Variants in GEMIN5 observed in about 807,000 individuals in gnomAD.
GEMIN5 encodes the protein gem nuclear organelle associated protein 5.
In GEMIN5, 124 loss-of-function variants were observed where a neutral mutation model predicts 176.9. The observed-to-expected ratio is 0.70, with a 90% CI of 0.61 to 0.81. The LOEUF is 0.81. GEMIN5 is among the 40% of genes least tolerant of loss of function. The pLI is 0.00. For missense variants in GEMIN5, 1,843 were observed against 1,814.6 expected (o/e 1.02, Z -0.28); for synonymous variants, 673 against 665.2 (o/e 1.01, Z -0.18).
chr5:154,891,679 C>T lies in GEMIN5; in HGVS notation c.3824G>A (p.Ser1275Asn). Residue 1275 changes from serine to asparagine, a missense_variant, in exon 26 of 28, where the codon AGT becomes AAT. Physicochemically the swap from Ser to Asn is conservative, Grantham distance 46. Transcript: ENST00000285873. ...HQSPATPAFK[S>N]LEAFFLYGRL... ...CCCATAAAGAAAAAAGGCCTCCAAACTTTTGAAAGCTGGTGTGGCAGGGGA... is the reference window on the plus strand; with the variant it reads ...CCCATAAAGAAAAAAGGCCTCCAAATTTTTGAAAGCTGGTGTGGCAGGGGA... 1 of 1,612,118 alleles carries T rather than the reference C, an allele frequency of 6.2e-7. No homozygotes were observed. Among genetic ancestry groups the T allele is most frequent in the East Asian group, 2.2e-5 (1 of 44,882 alleles).
At chr5:154,917,906 TTA>T (rs756126302) in intron 12 of GEMIN5, 23 bp downstream of exon 12, 2 of 1,525,424 alleles carry the variant, frequency 1.3e-6, no homozygotes, top group Non-Finnish European at 1.8e-6. Flanking sequence ...TGCAAATTTT[TTA>T]TCTTAAAGAA....
chr5:154,907,739 C>T lies in GEMIN5; in HGVS notation c.2247G>A (p.Leu749=), dbSNP rs772348823. The T allele has an allele frequency of 5.6e-6, 9 of 1,614,120 alleles. No homozygotes were observed. In the East Asian group the frequency reaches 2.0e-4, roughly 36 times the overall value. Residue 749 remains leucine, a synonymous_variant, in exon 16 of 28, where the codon TTG becomes TTA. Coordinates refer to ENST00000285873, the MANE Select transcript of GEMIN5 (RefSeq NM_015465.5). ...AKPKKKKKPT[L]RTPVKLESID... ...TCGATTCCAGCTTTACAGGAGTTCT[C>T]AAGGTGGGCTTTTTCTTCTTTTTGG... is the stretch of plus-strand genomic sequence containing the variant.
chr5:154,888,793 C>A lies in GEMIN5; in HGVS notation c.4360-416G>T, dbSNP rs376552439. ...TGAGGTATAAAATTACTTGTGTGAT[C>A]GATAATTCTAGTCTCACAAAACATT... is the stretch of plus-strand genomic sequence containing the variant. On this transcript the variant is annotated intron_variant, in intron 27 of 27. Transcript: ENST00000285873. Among the ~76,000 whole-genome samples the A allele has an allele frequency of 5.3e-5, 8 of 152,126 alleles. No homozygotes were observed. The South Asian group carries it at 1.2e-3, about 24-fold the overall frequency.
At chr5:154,899,025 A>G (rs1368928201) in intron 22 of GEMIN5, among the ~76,000 whole-genome samples, 166 bp downstream of exon 22, 1 of 152,196 alleles carries the variant, frequency 6.6e-6, no homozygotes, top group Non-Finnish European at 1.5e-5. Context: ...TAAATCAGGA[A>G]GTAGTTCCTG....
At chr5:154,907,950 T>C (rs929866201) in intron 15 of GEMIN5, 132 bp from the exon 16 acceptor site, 4 of 656,360 alleles carry the variant, frequency 6.1e-6, no homozygotes, top group Non-Finnish European at 1.1e-5. Flanking sequence ...AATGAACTTT[T>C]AGAATTATAT....
At position 154,934,375 on chromosome 5, in the gene GEMIN5, G is replaced by A. The variant is rs570811786; in HGVS notation, c.509+1466C>T. ...CTAATTTTGTGTTTTTAATAGAGAC[G>A]GGGTTTCTCCATGCTGGTCTTGAAC... On this transcript the variant is annotated intron_variant, in intron 3 of 27. Coordinates refer to ENST00000285873, the MANE Select transcript of GEMIN5 (RefSeq NM_015465.5). 3.4e-4 allele frequency among the ~76,000 whole-genome samples: 51 copies of A among 152,146 alleles called. No homozygotes were observed. In the South Asian group the frequency reaches 9.1e-3, roughly 27 times the overall value.
chr5:154,911,610 A>G, intron 15 of GEMIN5, 117 bp downstream of exon 15: 1 of 806,306 alleles, frequency 1.2e-6, no homozygotes, highest in Non-Finnish European at 1.9e-6. Context: ...TTAGGCTCAG[A>G]CCCCTGCCCT....
At chr5:154,902,787 C>G in intron 19 of GEMIN5, 111 bp from the exon 20 acceptor site, 1 of 1,112,880 alleles carries the variant, frequency 9.0e-7, no homozygotes, top group Non-Finnish European at 1.3e-6. Context: ...AATATGCAGT[C>G]ATTCTCTGAT....
Position 154,896,266 on chromosome 5 carries a change from GC to G in GEMIN5, c.3422del (p.Ser1141ThrfsTer20). 6.2e-7 allele frequency: 1 copy of G among 1,612,934 alleles called. No individual in the cohort carries two copies. Among genetic ancestry groups the G allele is most frequent in the Non-Finnish European group, 8.5e-7 (1 of 1,179,586 alleles). On this transcript the variant is annotated frameshift_variant, in exon 24 of 28. Transcript: ENST00000285873. LOFTEE classifies it high-confidence loss of function. ...TGTTCCAAGTGTGGTAAGAGGAGGA[GC>G]TTTTGCCCTCTGAAAGCTGCTTTTC... ...LEEKQLSEGK[S>X]SSSYHTWNTG...
chr5:154,921,568 C>G (rs2113497283), intron 9 of GEMIN5, 143 bp from the exon 10 acceptor site: 1 of 573,276 alleles, frequency 1.7e-6, no homozygotes, highest in South Asian at 2.3e-5. Flanking sequence ...TATCTTGCTC[C>G]AAATAGTTGA....
Position 154,911,814 on chromosome 5 carries a change from C to T in GEMIN5, c.2080G>A (p.Asp694Asn), listed in dbSNP as rs1032833206. The change falls in exon 15 of 28, where the codon GAT (aspartate) becomes AAT (asparagine). Residue 694 changes from aspartate (D) to asparagine (N), a missense_variant. Asp to Asn is a conservative substitution (Grantham distance 23, BLOSUM62 1). Coordinates refer to ENST00000285873, the MANE Select transcript of GEMIN5 (RefSeq NM_015465.5). ...GCCCCTGAATAGATGCAGTCTGGAT[C>T]CAAAGGAGACCATGCCACACAAAGC... ...RLLCVAWSPL[D>N]PDCIYSGADD... 2 of 1,613,938 alleles carry T rather than the reference C, an allele frequency of 1.2e-6. No homozygotes were observed. The highest frequency in any genetic ancestry group is 4.5e-5 in the East Asian group (2 of 44,880).
chr5:154,902,071 G>A (rs1763477407), intron 20 of GEMIN5, among the ~76,000 whole-genome samples: 1 of 151,798 alleles, frequency 6.6e-6, no homozygotes, highest in Non-Finnish European at 1.5e-5. Context: ...CGAAATGCTG[G>A]TATTACAGGC....
intron 16 of GEMIN5, 86 bp downstream of exon 16, chr5:154,907,505 C>G: frequency 1.2e-6 from 1 of 854,376 alleles, no homozygotes; most frequent in East Asian, 2.7e-5. Flanking sequence ...ATGGGAACAG[C>G]GAAGTTTCAA....
At chr5:154,893,110 A>AAACG (rs1763272555) in intron 24 of GEMIN5, among the ~76,000 whole-genome samples, 3 of 151,994 alleles carry the variant, frequency 2.0e-5, no homozygotes, top group Admixed American at 2.0e-4. Context: ...ACAAACAAAC[A>AAACG]AACAACAAAA....
In GEMIN5 at chr5:154,896,079, A is replaced by G; in HGVS notation, c.3597+13T>C. 6.2e-7 allele frequency: 1 copy of G among 1,612,442 alleles called. No homozygotes were observed. Among genetic ancestry groups the G allele is most frequent in the South Asian group, 1.1e-5 (1 of 90,694 alleles). On this transcript the variant is annotated intron_variant, in intron 24 of 27. Coordinates refer to ENST00000285873, the MANE Select transcript of GEMIN5 (RefSeq NM_015465.5). ...TGAGTGATTAATGTCAAATGCTGGT[A>G]CAGATGGCTTACCTGTTTGGCAGGT...
In GEMIN5 at chr5:154,917,071, T is replaced by C. The variant is rs746192887; in HGVS notation, c.1782A>G (p.Pro594=). ...ISWHHEHGSQ[P]ELSYLMASGS... ...CAGAGGCCATCAGATAGCTCAATTC[T>C]GGCTGGCTGCCATGCTCATGATGCC... Residue 594 remains proline (P), a synonymous_variant, in exon 13 of 28, where the codon CCA becomes CCG. Coordinates refer to ENST00000285873, the MANE Select transcript of GEMIN5 (RefSeq NM_015465.5). The C allele has an allele frequency of 5.0e-6, 8 of 1,609,928 alleles. No individual in the cohort carries two copies. Among genetic ancestry groups the C allele is most frequent in the Non-Finnish European group, 6.8e-6 (8 of 1,176,782 alleles).
At chr5:154,898,076 T>G (rs181823901) in intron 23 of GEMIN5, among the ~76,000 whole-genome samples, 60 of 152,230 alleles carry the variant, frequency 3.9e-4, no homozygotes, top group East Asian at 3.9e-3. Context: ...AATTTTTGTA[T>G]TTTTAGTTGA....
intron 2 of GEMIN5, among the ~76,000 whole-genome samples, chr5:154,936,446 A>G (rs1764271396): frequency 6.6e-6 from 1 of 150,434 alleles, no homozygotes; most frequent in African/African-American, 2.5e-5. Context: ...ATTAATACTT[A>G]TTAGTAGTAC....
In GEMIN5 at chr5:154,907,626, C is replaced by T. The variant is rs771507912; in HGVS notation, c.2360G>A (p.Arg787Gln). Residue 787 changes from arginine (R) to glutamine (Q), a missense_variant, in exon 16 of 28, where the codon CGG (arginine) becomes CAG (glutamine). By Grantham distance (43) the Arg-to-Gln change is conservative (BLOSUM62 1). Transcript: ENST00000285873. ...AAGGCCACAGGGTAATTCCGGCTCCCGTGCTTGCTCCTCCCCTTCTTGGTC... is the reference window on the plus strand; with the variant it reads ...AAGGCCACAGGGTAATTCCGGCTCCTGTGCTTGCTCCTCCCCTTCTTGGTC... ...VSDQEGEEQA[R>Q]EPELPCGLAP... 19 of 1,613,876 alleles carry T rather than the reference C, an allele frequency of 1.2e-5. No homozygotes were observed. The highest frequency in any genetic ancestry group is 1.6e-4 in the Middle Eastern group (1 of 6,084).
Sources: allele counts gnomAD v4.1 joint callset (sites outside exome capture counted in the v4.1 genomes callset), GRCh38; gene constraint gnomAD v4.1.1; transcripts MANE v1.5; gene names NCBI Gene and HGNC (gene_info 2026-07-23, HGNC 2026-07-21).